AGBL4: variants seen among roughly 807,000 people sequenced by gnomAD.
AGBL4 encodes the protein AGBL carboxypeptidase 4.
AGBL4 carries 58 observed loss-of-function variants against 66.4 expected under a neutral mutation model. The ratio of observed to expected loss-of-function variants is 0.87; its 90% CI spans 0.71 to 1.09. The LOEUF (loss-of-function observed/expected upper bound fraction) is 1.09. Ranked by LOEUF, AGBL4 falls within the 50% of genes least tolerant of loss-of-function variation. The pLI is 0.00. For missense variants in AGBL4, 579 were observed against 631.0 expected (o/e 0.92, Z 0.88); for synonymous variants, 234 against 222.9 (o/e 1.05, Z -0.44).
chr1:49,334,202 G>A (rs1645389764), intron 3 of AGBL4, among the ~76,000 whole-genome samples: 1 of 149,856 alleles, frequency 6.7e-6, no homozygotes, highest in Non-Finnish European at 1.5e-5. Context: ...TGTTATTTAA[G>A]TACGTAGATA....
At chr1:49,470,389 A>G (rs930040082) in intron 3 of AGBL4, among the ~76,000 whole-genome samples, 1 of 152,026 alleles carries the variant, frequency 6.6e-6, no homozygotes, top group Non-Finnish European at 1.5e-5. Flanking sequence ...AGAATAGGAG[A>G]AACTAATTTA....
At position 49,930,603 on chromosome 1, in the gene AGBL4, T is replaced by G. The variant is rs973437801; in HGVS notation, c.35-79085A>C. ...GTATCATGATTAACTGGGATTTATA[T>G]GAAGAACACAAGGTTGGTTTAACAT... On this transcript the variant is annotated intron_variant, in intron 1 of 13. Transcript: ENST00000371839. 3.9e-5 allele frequency among the ~76,000 whole-genome samples: 6 copies of G among 152,138 alleles called. No homozygotes were observed. The East Asian group carries it at 7.7e-4, about 19-fold the overall frequency.
chr1:48,626,971 T>C (rs764459316), intron 9 of AGBL4, among the ~76,000 whole-genome samples: 3 of 152,110 alleles, frequency 2.0e-5, no homozygotes, highest in Non-Finnish European at 4.4e-5. Flanking sequence ...CAGAATGCCA[T>C]GGCTATGGCC....
At chr1:49,369,426 A>G (rs918806890) in intron 3 of AGBL4, among the ~76,000 whole-genome samples, 34 of 152,350 alleles carry the variant, frequency 2.2e-4, no homozygotes, top group African/African-American at 8.2e-4. Flanking sequence ...AAGCAAATGT[A>G]TGAAACAATC....
chr1:48,780,902 G>A (rs1645276775), intron 6 of AGBL4, among the ~76,000 whole-genome samples: 1 of 152,156 alleles, frequency 6.6e-6, no homozygotes, highest in Non-Finnish European at 1.5e-5. Context: ...TAAAAGCAAT[G>A]GCGACAAAAG....
chr1:49,830,313 G>A (rs534557543), intron 2 of AGBL4, among the ~76,000 whole-genome samples: 2 of 152,092 alleles, frequency 1.3e-5, no homozygotes, highest in South Asian at 4.1e-4. Context: ...CATTCTAACT[G>A]CCATGATGTG....
intron 3 of AGBL4, among the ~76,000 whole-genome samples, chr1:49,475,007 C>G (rs1393497718): frequency 1.3e-5 from 2 of 151,974 alleles, no homozygotes; most frequent in African/African-American, 4.8e-5. Context: ...ACATTATTGT[C>G]TTGTTCCAGT....
At chr1:49,714,935 T>C (rs1647977540) in intron 2 of AGBL4, among the ~76,000 whole-genome samples, 1 of 151,988 alleles carries the variant, frequency 6.6e-6, no homozygotes, top group Admixed American at 6.6e-5. Flanking sequence ...CTCACTAGCA[T>C]CTATTATTTT....
At chr1:49,634,220 C>G (rs1263500161) in intron 3 of AGBL4, among the ~76,000 whole-genome samples, 1 of 152,042 alleles carries the variant, frequency 6.6e-6, no homozygotes, top group Non-Finnish European at 1.5e-5. Context: ...CACTAGCCCC[C>G]CAACCCTGAG....
At chr1:49,999,929 A>G (rs1660627439) in intron 1 of AGBL4, among the ~76,000 whole-genome samples, 1 of 152,174 alleles carries the variant, frequency 6.6e-6, no homozygotes, top group African/African-American at 2.4e-5. Context: ...ACTAAGATGG[A>G]TCAAATACTT....
chr1:49,336,879 TA>T (rs1645448279), intron 3 of AGBL4, among the ~76,000 whole-genome samples: 1 of 152,138 alleles, frequency 6.6e-6, no homozygotes, highest in Non-Finnish European at 1.5e-5. Flanking sequence ...AAAAAATCTG[TA>T]AAATGAGGAT....
At chr1:48,910,396 G>A (rs1476611862) in intron 5 of AGBL4, among the ~76,000 whole-genome samples, 1 of 152,130 alleles carries the variant, frequency 6.6e-6, no homozygotes, top group Non-Finnish European at 1.5e-5. Context: ...ATAGGATGCT[G>A]GTGTTCTCAT....
intron 6 of AGBL4, among the ~76,000 whole-genome samples, chr1:48,837,025 CAT>C (rs1221315299): frequency 6.8e-6 from 1 of 146,868 alleles, no homozygotes; most frequent in Non-Finnish European, 1.5e-5. Context: ...TATTATATAA[CAT>C]AAGTAATATG....
chr1:49,408,536 C>T (rs1438370566), intron 3 of AGBL4, among the ~76,000 whole-genome samples: 2 of 152,174 alleles, frequency 1.3e-5, no homozygotes, highest in Non-Finnish European at 2.9e-5. Context: ...GACTCACTCT[C>T]AATCTGGGTA....
intron 9 of AGBL4, among the ~76,000 whole-genome samples, chr1:48,628,637 C>T (rs373267112): frequency 1.3e-5 from 2 of 152,072 alleles, no homozygotes; most frequent in African/African-American, 4.8e-5. Context: ...GTTATAAATC[C>T]TGCACACCAA....
At chr1:48,928,138 C>T (rs185748264) in intron 5 of AGBL4, among the ~76,000 whole-genome samples, 100 of 152,260 alleles carry the variant, frequency 6.6e-4, no homozygotes, top group African/African-American at 1.8e-3. Context: ...TCAGCTTCTG[C>T]GAGAAGCATC....
At chr1:48,713,001 G>A (rs568527331) in intron 6 of AGBL4, among the ~76,000 whole-genome samples, 1 of 152,184 alleles carries the variant, frequency 6.6e-6, no homozygotes, top group Non-Finnish European at 1.5e-5. Flanking sequence ...GCAGCATCCT[G>A]TTACTTTGGA....
chr1:49,645,966 A>T (rs1645880210), intron 3 of AGBL4, among the ~76,000 whole-genome samples: 1 of 151,666 alleles, frequency 6.6e-6, no homozygotes, highest in Non-Finnish European at 1.5e-5. Flanking sequence ...ATTTGCCCAT[A>T]TCCAACATCA....
chr1:49,705,364 GCAAA>G (rs1164173924), intron 2 of AGBL4, among the ~76,000 whole-genome samples: 1 of 152,084 alleles, frequency 6.6e-6, no homozygotes, highest in Non-Finnish European at 1.5e-5. Flanking sequence ...CATGTCATCT[GCAAA>G]CAGAGACAAT....
Sources: gnomAD v4.1 joint callset for allele counts (sites outside exome capture counted in the v4.1 genomes callset) on GRCh38, gnomAD v4.1.1 for gene constraint, MANE v1.5 for transcripts, NCBI Gene and HGNC (gene_info 2026-07-23, HGNC 2026-07-21) for gene names.